CEP170: variants seen among roughly 807,000 people sequenced by gnomAD.
CEP170 encodes centrosomal protein 170.
Under a neutral mutation model 151.9 loss-of-function variants are expected in CEP170, and 21 were observed. That is an observed-to-expected ratio of 0.14 (90% CI 0.10 to 0.20). The LOEUF (loss-of-function observed/expected upper bound fraction) is 0.20. Among genes scored for constraint, CEP170 ranks in the 10% least tolerant of loss-of-function variants. CEP170 has a pLI of 1.00. For missense variants in CEP170, 964 were observed against 1,892.9 expected, an observed-to-expected ratio of 0.51 and a Z score of 9.11; for synonymous variants, 356 against 648.8, an observed-to-expected ratio of 0.55 and a Z score of 6.86.
chr1:243,184,902 A>G (rs1341782664), intron 10 of CEP170, among the ~76,000 whole-genome samples: 4 of 152,164 alleles, frequency 2.6e-5, no homozygotes, highest in Admixed American at 2.0e-4. Context: ...ACAAGCTTCC[A>G]AGTAATATTT....
intron 1 of CEP170, among the ~76,000 whole-genome samples, chr1:243,241,858 G>A (rs1225266830): frequency 6.6e-6 from 1 of 151,662 alleles, no homozygotes; most frequent in Non-Finnish European, 1.5e-5. Context: ...GGATTGCATG[G>A]GGTGACAATA....
At chr1:243,209,137 G>C (rs187851533) in intron 4 of CEP170, among the ~76,000 whole-genome samples, 1 of 152,272 alleles carries the variant, frequency 6.6e-6, no homozygotes, top group African/African-American at 2.4e-5. Flanking sequence ...TTCTAGTCTT[G>C]ATCCATGTTA....
chr1:243,137,411 A>G (rs2055221879), intron 16 of CEP170, among the ~76,000 whole-genome samples: 1 of 152,224 alleles, frequency 6.6e-6, no homozygotes, highest in South Asian at 2.1e-4. Flanking sequence ...ATACGATTAC[A>G]TGTTTTATCA....
intron 2 of CEP170, among the ~76,000 whole-genome samples, chr1:243,223,646 T>C (rs2062998515): frequency 1.3e-5 from 2 of 152,166 alleles, no homozygotes; most frequent in African/African-American, 4.8e-5. Flanking sequence ...CAGAGTCCAC[T>C]GAGTCGAGTG....
chr1:243,128,124 C>T, intron 19 of CEP170, 125 bp downstream of exon 19: 1 of 697,178 alleles, frequency 1.4e-6, no homozygotes, highest in Non-Finnish European at 2.2e-6. Context: ...TGTTTGAACT[C>T]TGTATTTTAT....
chr1:243,125,171 C>T lies in CEP170; in HGVS notation c.*1278G>A, dbSNP rs1360620630. On this transcript the variant is annotated 3_prime_UTR_variant, in exon 20 of 20. Coordinates refer to ENST00000366542, the MANE Select transcript of CEP170 (RefSeq NM_014812.3). ...AATAATATTTAACTGAATTAAGATA[C>T]ACCCCAATTATAGTGTTCTGGAAAC... 1 of 152,034 alleles carries T rather than the reference C, an allele frequency of 6.6e-6. No homozygotes were observed. Among genetic ancestry groups the T allele is most frequent in the Non-Finnish European group, 1.5e-5 (1 of 67,998 alleles). The allele number at this position is 152,034 out of a possible 1,614,324, so 9.4% of individuals were successfully genotyped here.
At chr1:243,238,891 T>C (rs2064517130) in intron 1 of CEP170, among the ~76,000 whole-genome samples, 1 of 152,224 alleles carries the variant, frequency 6.6e-6, no homozygotes, top group African/African-American at 2.4e-5. Context: ...TCTTTGACCA[T>C]TCTTGCCTTC....
At chr1:243,146,794 A>G (rs2056548130) in intron 14 of CEP170, among the ~76,000 whole-genome samples, 1 of 152,244 alleles carries the variant, frequency 6.6e-6, no homozygotes, top group African/African-American at 2.4e-5. Flanking sequence ...GGCGGTAAGA[A>G]GTCAAGTTAA....
At position 243,185,733 on chromosome 1, in the gene CEP170, TACACC is replaced by T. The variant is rs545078093; in HGVS notation, c.1566+41_1566+45del. ...TCTCCAATAATTTCCACCAGTCAAA[TACACC>T]ACACAACAACTAAGATCACACTCAA... is the stretch of plus-strand genomic sequence containing the variant. On this transcript the variant is annotated intron_variant, in intron 10 of 19. Coordinates refer to ENST00000366542, the MANE Select transcript of CEP170 (RefSeq NM_014812.3). The surrounding 1 kb of genome is among the most constrained non-coding windows in gnomAD (Gnocchi z 4.9). 357 of 1,533,022 alleles carry T rather than the reference TACACC, an allele frequency of 2.3e-4. 2 individuals are homozygous for T. In the African/African-American group the frequency reaches 4.3e-3, roughly 19 times the overall value. The allele number at this position is 1,533,022 out of a possible 1,614,324, so 95.0% of individuals were successfully genotyped here. A position where few individuals can be genotyped will look rare whatever the true frequency, so the allele number is the denominator to read the frequency against.
intron 4 of CEP170, among the ~76,000 whole-genome samples, chr1:243,208,226 T>C (rs2148886390): frequency 6.6e-6 from 1 of 152,262 alleles, no homozygotes; most frequent in East Asian, 1.9e-4. Context: ...CCAAACCTCC[T>C]TTACCGTTCA....
chr1:243,146,657 G>C (rs1363561229), intron 14 of CEP170, among the ~76,000 whole-genome samples: 7 of 148,894 alleles, frequency 4.7e-5, no homozygotes, highest in Non-Finnish European at 1.0e-4. Context: ...GGTTTACAAG[G>C]CATGGGAAGA....
chr1:243,146,869 G>A (rs1351193995), intron 14 of CEP170, among the ~76,000 whole-genome samples: 2 of 151,094 alleles, frequency 1.3e-5, no homozygotes, highest in Non-Finnish European at 2.9e-5. Context: ...TTTACTTTGT[G>A]CATGAGCAAA....
At chr1:243,152,795 T>C (rs942589073) in intron 14 of CEP170, among the ~76,000 whole-genome samples, 56 of 152,122 alleles carry the variant, frequency 3.7e-4, no homozygotes, top group Non-Finnish European at 5.4e-4. Flanking sequence ...CCTCCCAAAG[T>C]GCTGGGATTA....
rs549360603 is a variant in CEP170, at chr1:243,195,439, G to GTA, written c.631+3619_631+3620dup. ...GGAGAACGAAATTGCTCTAAAGTAA[G>GTA]TATTTGCTTAAACCAGGGCTTTTTA... On this transcript the variant is annotated intron_variant, in intron 7 of 19. Transcript: ENST00000366542. Among the ~76,000 whole-genome samples the GTA allele has an allele frequency of 1.9e-3, 287 of 152,036 alleles. 3 individuals carry two copies. Among genetic ancestry groups the GTA allele is most frequent in the Non-Finnish European group, 3.8e-4 (26 of 67,910 alleles).
chr1:243,140,313 G>T, intron 15 of CEP170: 1 of 755,710 alleles, frequency 1.3e-6, no homozygotes, highest in South Asian at 4.5e-5. Context: ...ATCTACACAG[G>T]TTTTATTTTC....
intron 1 of CEP170, among the ~76,000 whole-genome samples, chr1:243,226,968 A>G (rs2063348047): frequency 6.6e-6 from 1 of 152,206 alleles, no homozygotes; most frequent in Admixed American, 6.5e-5. Context: ...CATCCTGGGC[A>G]ACAGGAGTGA....
At chr1:243,219,022 C>T (rs943971707) in intron 3 of CEP170, among the ~76,000 whole-genome samples, 1 of 152,178 alleles carries the variant, frequency 6.6e-6, no homozygotes, top group Non-Finnish European at 1.5e-5. Flanking sequence ...TAATAGTCTA[C>T]AAGTTCTCTT....
At chr1:243,244,521 T>C (rs200432819) in intron 1 of CEP170, among the ~76,000 whole-genome samples, 39 of 151,838 alleles carry the variant, frequency 2.6e-4, no homozygotes, top group Middle Eastern at 3.4e-3. Flanking sequence ...GGCAGGTAGA[T>C]AGCTTGAGCT....
chr1:243,171,356 A>C (rs932174085), intron 11 of CEP170, among the ~76,000 whole-genome samples: 1 of 152,180 alleles, frequency 6.6e-6, no homozygotes, highest in African/African-American at 2.4e-5. Flanking sequence ...TTAATAAACA[A>C]ACAAACATAT....
Sources: allele counts gnomAD v4.1 joint callset (sites outside exome capture counted in the v4.1 genomes callset), GRCh38; gene constraint gnomAD v4.1.1; non-coding constraint Gnocchi (gnomAD v3.1); transcripts MANE v1.5; gene names NCBI Gene and HGNC (gene_info 2026-07-23, HGNC 2026-07-21).